The following GIPC1 variants were observed in gnomAD, a reference collection of about 807,000 sequenced individuals.
GIPC1 encodes PDZ domain-containing protein GIPC1.
Under a neutral mutation model 28.5 loss-of-function variants are expected in GIPC1, and 15 were observed. That is an observed-to-expected ratio of 0.53 (90% CI 0.35 to 0.81). The LOEUF is 0.81. Among genes scored for constraint, GIPC1 ranks in the 30% least tolerant of loss-of-function variants. The probability of loss-of-function intolerance (pLI) is 0.01; values close to 1 mark genes in which losing one functional copy is unlikely to be tolerated. For synonymous variants in GIPC1, 224 were observed against 206.1 expected, an observed-to-expected ratio of 1.09 and a Z score of -0.74; for missense variants, 439 against 481.9, an observed-to-expected ratio of 0.91 and a Z score of 0.83.
chr19:14,492,408 G>A (rs1469688851), intron 2 of GIPC1, among the ~76,000 whole-genome samples: 5 of 151,886 alleles, frequency 3.3e-5, no homozygotes, highest in Non-Finnish European at 7.4e-5. Flanking sequence ...CCGGGTTCAC[G>A]CCATTCTCCT....
intron 3 of GIPC1, 104 bp from the exon 4 acceptor site, chr19:14,483,110 T>C: frequency 1.4e-6 from 1 of 738,166 alleles, no homozygotes; most frequent in Non-Finnish European, 2.2e-6. Flanking sequence ...GAGAACAAAT[T>C]GGCCTCGGTT....
At chr19:14,493,363 A>G (rs542817946) in intron 1 of GIPC1, among the ~76,000 whole-genome samples, 2 of 152,244 alleles carry the variant, frequency 1.3e-5, no homozygotes, top group African/African-American at 4.8e-5. Flanking sequence ...TGACCCACAA[A>G]CCCCTGCAGA....
Position 14,478,479 on chromosome 19 carries a change from G to T in GIPC1, c.939C>A (p.Phe313Leu). The change falls in exon 9 of 9, where the codon TTC becomes TTA. Residue 313 changes from phenylalanine (F) to leucine (L), a missense_variant. By Grantham distance (22) the Phe-to-Leu change is conservative (BLOSUM62 0). Coordinates refer to ENST00000393033, the MANE Select transcript of GIPC1 (RefSeq NM_005716.4). This position sits in a 1 kb window ranked among gnomAD's most constrained non-coding sequence, Gnocchi z 5.2. ...AGACGTCAAAGACGAACTCGTCAGG[G>T]AAGGCAAAGTCACCCAGCCGTTCGT... is the stretch of plus-strand genomic sequence containing the variant. Reference protein sequence around the residue: ...ALDERLGDFAFPDEFVFDVWG... With the variant: ...ALDERLGDFALPDEFVFDVWG... 6.2e-7 allele frequency: 1 copy of T among 1,613,642 alleles called. No individual in the cohort carries two copies. Among genetic ancestry groups the T allele is most frequent in the Non-Finnish European group, 8.5e-7 (1 of 1,179,888 alleles).
intron 3 of GIPC1, among the ~76,000 whole-genome samples, chr19:14,487,033 CT>C (rs1398858697): frequency 6.6e-6 from 1 of 151,296 alleles, no homozygotes; most frequent in Non-Finnish European, 1.5e-5. Flanking sequence ...ATTTTAGATA[CT>C]GTCTTCAATA....
Position 14,480,352 on chromosome 19 carries a change from C to A in GIPC1, c.608G>T (p.Arg203Leu). ...GAGCTTCAGCGTGAAGGTACGGCCT[C>A]GGGGCAGCTCCTTGAGCAGCCGGGC... ...EVARLLKELPRGRTFTLKLTE... is the reference protein window; with the variant it reads ...EVARLLKELPLGRTFTLKLTE... Residue 203 changes from arginine to leucine, a missense_variant, in exon 6 of 9, where the codon CGA becomes CTA. By Grantham distance (102) the Arg-to-Leu change is moderately radical (BLOSUM62 -2). Coordinates refer to ENST00000393033, the MANE Select transcript of GIPC1 (RefSeq NM_005716.4). The A allele has an allele frequency of 6.2e-7, 1 of 1,612,064 alleles. No homozygotes were observed. The highest frequency in any genetic ancestry group is 2.2e-5 in the East Asian group (1 of 44,876).
rs939566184 is a variant in GIPC1, at chr19:14,483,985, C to T, written c.-30-979G>A. On this transcript the variant is annotated intron_variant, in intron 3 of 8. Coordinates refer to ENST00000393033, the MANE Select transcript of GIPC1 (RefSeq NM_005716.4). ...AATAGCTGGGCCCATAGGCACATGC[C>T]ATGAAGCTCAGCTAACCTTTATTTT... Among the ~76,000 whole-genome samples the T allele has an allele frequency of 4.6e-5, 7 of 151,986 alleles. No individual in the cohort carries two copies. In the South Asian group the frequency reaches 1.5e-3, roughly 32 times the overall value.
intron 3 of GIPC1, chr19:14,483,456 TAAATAAAATA>T (rs147137173): frequency 0.55 from 84,056 of 151,506 alleles, 23,643 homozygotes; most frequent in East Asian, 0.76. Flanking sequence ...GCTCCGTCTA[TAAATAAAATA>T]AAATAAAATA....
At chr19:14,490,832 G>A (rs1243031740) in intron 3 of GIPC1, among the ~76,000 whole-genome samples, 5 of 151,040 alleles carry the variant, frequency 3.3e-5, no homozygotes, top group African/African-American at 7.3e-5. Context: ...AAAATTAGCT[G>A]GGCGTGGTGG....
chr19:14,480,578 C>G lies in GIPC1; in HGVS notation c.474+15G>C. ...TCACTCCCAGGCCTCCGGGGTGCCC[C>G]GTCTCCCCAGGCACCTTGATGAAGG... is the stretch of plus-strand genomic sequence containing the variant. On this transcript the variant is annotated intron_variant, in intron 5 of 8. Coordinates refer to ENST00000393033, the MANE Select transcript of GIPC1 (RefSeq NM_005716.4). 1 of 1,611,696 alleles carries G rather than the reference C, an allele frequency of 6.2e-7. No individual in the cohort carries two copies. Among genetic ancestry groups the G allele is most frequent in the Non-Finnish European group, 8.5e-7 (1 of 1,178,562 alleles).
rs2072078369 is a variant in GIPC1 at position 14,496,089 on chromosome 19, C to A, written c.-227G>T. ...CGCCGCCGCCGCTGCCTCCGCCTCC[C>A]CGTGCGCACCCGGCTCGGCCCTCCG... On this transcript the variant is annotated 5_prime_UTR_variant, in exon 1 of 9. Coordinates refer to ENST00000393033, the MANE Select transcript of GIPC1 (RefSeq NM_005716.4). 1 of 222,510 alleles carries A rather than the reference C, an allele frequency of 4.5e-6. No individual in the cohort carries two copies. The highest frequency in any genetic ancestry group is 6.0e-5 in the Admixed American group (1 of 16,564). 13.8% of individuals were successfully genotyped at this position (222,510 alleles called of 1,614,324 possible).
intron 2 of GIPC1, among the ~76,000 whole-genome samples, chr19:14,492,078 AAAAAG>A (rs1383236598): frequency 6.6e-6 from 1 of 151,964 alleles, no homozygotes; most frequent in African/African-American, 2.4e-5. Context: ...AAAAAAAAGA[AAAAAG>A]AAAAGACCCC....
Position 14,478,396 on chromosome 19 carries a change from C to T in GIPC1, c.*20G>A, listed in dbSNP as rs1484902108. 3.8e-6 allele frequency: 6 copies of T among 1,588,482 alleles called. No homozygotes were observed. The East Asian group carries it at 6.8e-5, about 18-fold the overall frequency. ...CACCAGGTTGCGCCCGGGTCATCAT[C>T]GCAGGGTCCGGGGGCAGTCCTAGTA... On this transcript the variant is annotated 3_prime_UTR_variant, in exon 9 of 9. Coordinates refer to ENST00000393033, the MANE Select transcript of GIPC1 (RefSeq NM_005716.4). This position sits in a 1 kb window ranked among gnomAD's most constrained non-coding sequence, Gnocchi z 5.2.
intron 1 of GIPC1, among the ~76,000 whole-genome samples, chr19:14,494,636 G>C (rs1406236050): frequency 6.6e-6 from 1 of 152,168 alleles, no homozygotes; most frequent in Non-Finnish European, 1.5e-5. Flanking sequence ...GCACGTAGCA[G>C]GTGCTCACTA....
chr19:14,490,711 C>T (rs571513212), intron 3 of GIPC1, among the ~76,000 whole-genome samples: 2 of 152,100 alleles, frequency 1.3e-5, no homozygotes, highest in South Asian at 4.2e-4. Context: ...TGGTGGCTCA[C>T]GCCTGTAATC....
intron 1 of GIPC1, among the ~76,000 whole-genome samples, chr19:14,495,317 A>AG (rs2072053146): frequency 2.7e-5 from 1 of 37,260 alleles, no homozygotes. Flanking sequence ...AGTACGGGGT[A>AG]GGGGGTGGGA....
intron 3 of GIPC1, among the ~76,000 whole-genome samples, chr19:14,487,586 T>C (rs1318121753): frequency 6.6e-6 from 1 of 151,938 alleles, no homozygotes; most frequent in Non-Finnish European, 1.5e-5. Context: ...TAGCTGGGGC[T>C]CTGCACATGA....
At chr19:14,479,766 C>A (rs556587613) in intron 6 of GIPC1, 1 of 422,722 alleles carries the variant, frequency 2.4e-6, no homozygotes, top group Admixed American at 4.1e-5. Context: ...GGAGGGGAGA[C>A]TGGAGGGGCC....
intron 4 of GIPC1, chr19:14,481,926 G>A (rs1467210277): frequency 1.3e-5 from 2 of 152,462 alleles, no homozygotes; most frequent in African/African-American, 4.8e-5. Flanking sequence ...CACCAGGCAA[G>A]CCTGCCTCCC....
chr19:14,480,443 T>C lies in GIPC1; in HGVS notation c.517A>G (p.Ser173Gly), dbSNP rs2071701749. 3.1e-6 allele frequency: 5 copies of C among 1,613,728 alleles called. No individual in the cohort carries two copies. The highest frequency in any genetic ancestry group is 2.5e-6 in the Non-Finnish European group (3 of 1,179,868). Residue 173 changes from serine (S) to glycine (G), a missense_variant, in exon 6 of 9, where the codon AGC becomes GGC. Physicochemically the swap from Ser to Gly is moderately conservative, Grantham distance 56 (BLOSUM62 0). Transcript: ENST00000393033. Reference protein sequence around the residue: ...GSVIDHIHLISVGDMIEAING... With the variant: ...GSVIDHIHLIGVGDMIEAING... ...ATGGCCTCGATCATGTCGCCCACGCTGATGAGGTGGATGTGGTCGATCACG... is the reference window on the plus strand; with the variant it reads ...ATGGCCTCGATCATGTCGCCCACGCCGATGAGGTGGATGTGGTCGATCACG...
Sources: gnomAD v4.1 joint callset for allele counts (sites outside exome capture counted in the v4.1 genomes callset) on GRCh38, gnomAD v4.1.1 for gene constraint, Gnocchi (gnomAD v3.1) non-coding constraint, MANE v1.5 for transcripts, NCBI Gene and HGNC (gene_info 2026-07-23, HGNC 2026-07-21) for gene names.